Variants in P2RX3 observed in about 807,000 individuals in gnomAD.
P2RX3 encodes P2X purinoceptor 3.
A neutral mutation model predicts 51.5 loss-of-function variants in P2RX3; 41 were observed. The observed-to-expected ratio is 0.80, with a 90% CI of 0.62 to 1.03. P2RX3 has a LOEUF of 1.03. P2RX3 is among the 50% of genes least tolerant of loss of function. P2RX3 has a pLI of 0.00. For missense variants in P2RX3, 459 were observed against 522.1 expected, an observed-to-expected ratio of 0.88 and a Z score of 1.18; for synonymous variants, 185 against 191.6, an observed-to-expected ratio of 0.97 and a Z score of 0.29.
At position 57,368,019 on chromosome 11, in the gene P2RX3, T is replaced by C; in HGVS notation, c.853T>C (p.Tyr285His). Residue 285 changes from tyrosine to histidine, a missense_variant, in exon 9 of 12, where the codon TAC becomes CAC. Coordinates refer to ENST00000263314, the MANE Select transcript of P2RX3 (RefSeq NM_002559.5). Reference protein sequence around the residue: ...SPGYNFRFAKYYKMENGSEYR... With the variant: ...SPGYNFRFAKHYKMENGSEYR... ...GCCTCTGACCTCCAGGTTTGCCAAG[T>C]ACTACAAAATGGAAAATGGCAGTGA... 2 of 1,614,152 alleles carry C rather than the reference T, an allele frequency of 1.2e-6. No homozygotes were observed. Among genetic ancestry groups the C allele is most frequent in the Non-Finnish European group, 1.7e-6 (2 of 1,179,994 alleles).
rs185838339 is a variant in P2RX3 at position 57,368,160 on chromosome 11, C to T, written c.936+58C>T. On this transcript the variant is annotated intron_variant, in intron 9 of 11. Transcript: ENST00000263314. ...AGGGGAGGCAGCCCAGACCACCTCT[C>T]GGGTTCTGAAAAAGCTCCTCTGGGG... 2.3e-4 allele frequency: 360 copies of T among 1,554,780 alleles called. No individual in the cohort carries two copies. In the African/African-American group the frequency reaches 3.9e-3, roughly 17 times the overall value.
chr11:57,348,680 G>A lies in P2RX3; in HGVS notation c.539G>A (p.Arg180His), dbSNP rs537100149. The A allele has an allele frequency of 8.1e-6, 13 of 1,613,632 alleles. No individual in the cohort carries two copies. Among genetic ancestry groups the A allele is most frequent in the Admixed American group, 6.7e-5 (4 of 59,994 alleles). Reference sequence around the variant, plus strand: ...ACTATTTTCATCAAGAACAGCATCCGTTTCCCCCTCTTCAACTTTGAGAAG... The same window carrying A: ...ACTATTTTCATCAAGAACAGCATCCATTTCCCCCTCTTCAACTTTGAGAAG... Reference protein sequence around the residue: ...NFTIFIKNSIRFPLFNFEKGN... With the variant: ...NFTIFIKNSIHFPLFNFEKGN... The change falls in exon 6 of 12, where the codon CGT becomes CAT. Residue 180 changes from arginine (R) to histidine (H), a missense_variant. Physicochemically the swap from Arg to His is conservative, Grantham distance 29. Coordinates refer to ENST00000263314, the MANE Select transcript of P2RX3 (RefSeq NM_002559.5).
chr11:57,368,160 C>A, intron 9 of P2RX3, 58 bp downstream of exon 9: 1 of 1,554,776 alleles, frequency 6.4e-7, no homozygotes, highest in Non-Finnish European at 8.9e-7. Flanking sequence ...GACCACCTCT[C>A]GGGTTCTGAA....
intron 7 of P2RX3, 74 bp downstream of exon 7, chr11:57,349,972 G>A: frequency 5.7e-6 from 9 of 1,578,250 alleles, no homozygotes; most frequent in Non-Finnish European, 7.8e-6. Flanking sequence ...AGGGCCCTTT[G>A]GCCGGCACTG....
intron 2 of P2RX3, 61 bp downstream of exon 2, chr11:57,346,740 A>C: frequency 1.3e-6 from 2 of 1,588,934 alleles, no homozygotes; most frequent in South Asian, 2.3e-5. Flanking sequence ...GTTGGAAGGG[A>C]GAAAGCGAGC....
At chr11:57,336,066 C>A (rs933541892), upstream of P2RX3, among the ~76,000 whole-genome samples, 1 of 152,138 alleles carries the variant, frequency 6.6e-6, no homozygotes, top group African/African-American at 2.4e-5. Flanking sequence ...GACACTTCTT[C>A]AGTCGAGACT....
chr11:57,358,468 G>A (rs1322810678), intron 8 of P2RX3, among the ~76,000 whole-genome samples: 1 of 152,208 alleles, frequency 6.6e-6, no homozygotes, highest in South Asian at 2.1e-4. Context: ...ATATATATAT[G>A]TTATGCTGGG....
At chr11:57,339,625 C>T (rs1213965308) in intron 1 of P2RX3, among the ~76,000 whole-genome samples, 1 of 152,160 alleles carries the variant, frequency 6.6e-6, no homozygotes, top group South Asian at 2.1e-4. Context: ...TGGTGGGCAC[C>T]AGGAAATACA....
At position 57,369,278 on chromosome 11, in the gene P2RX3, G is replaced by A. The variant is rs948311245; in HGVS notation, c.1003-83G>A. 4.9e-6 allele frequency: 6 copies of A among 1,231,918 alleles called. No homozygotes were observed. In the African/African-American group the frequency reaches 7.6e-5, roughly 16 times the overall value. 76.3% of individuals were successfully genotyped at this position (1,231,918 alleles called of 1,614,324 possible). On this transcript the variant is annotated intron_variant, in intron 10 of 11. Coordinates refer to ENST00000263314, the MANE Select transcript of P2RX3 (RefSeq NM_002559.5). ...ACTGTTTAGGCAGCTTGGGGGTGCTGCCCGAGCCCAGCACTTCCTGCCACC... is the reference window on the plus strand; with the variant it reads ...ACTGTTTAGGCAGCTTGGGGGTGCTACCCGAGCCCAGCACTTCCTGCCACC...
intron 8 of P2RX3, 90 bp downstream of exon 8, chr11:57,350,988 C>A: frequency 1.9e-6 from 3 of 1,569,286 alleles, no homozygotes; most frequent in Non-Finnish European, 2.6e-6. Context: ...CACATCCATC[C>A]ACCCACCCCT....
At chr11:57,346,299 G>C (rs918332340) in intron 1 of P2RX3, among the ~76,000 whole-genome samples, 8 of 152,310 alleles carry the variant, frequency 5.3e-5, no homozygotes, top group African/African-American at 1.9e-4. Context: ...TTTCATGGAG[G>C]GGGGGACCAC....
Position 57,370,078 on chromosome 11 carries a change from G to T in P2RX3, c.*81G>T. ...CCTGCCTGAGCAAGGGGCATGGGAG[G>T]GAAGAGGGGCTCTCATTTCTGCTGC... is the stretch of plus-strand genomic sequence containing the variant. On this transcript the variant is annotated 3_prime_UTR_variant, in exon 12 of 12. Transcript: ENST00000263314. 1.0e-6 allele frequency: 1 copy of T among 965,516 alleles called. No homozygotes were observed. Among genetic ancestry groups the T allele is most frequent in the Non-Finnish European group, 1.6e-6 (1 of 622,230 alleles). The allele number at this position is 965,516 out of a possible 1,614,324, so 59.8% of individuals were successfully genotyped here. A position where few individuals can be genotyped will look rare whatever the true frequency, so the allele number is the denominator to read the frequency against.
chr11:57,359,489 G>A (rs1405555006), intron 8 of P2RX3, among the ~76,000 whole-genome samples: 3 of 152,186 alleles, frequency 2.0e-5, no homozygotes, highest in Admixed American at 6.5e-5. Context: ...CCTGTCAGAG[G>A]AGCCCCCGAC....
Position 57,340,182 on chromosome 11 carries a change from A to C in P2RX3, c.119+1513A>C, listed in dbSNP as rs11229002. Among the ~76,000 whole-genome samples the C allele has an allele frequency of 1.4e-3, 210 of 152,298 alleles. 3 individuals carry two copies. In the East Asian group the frequency reaches 0.037, roughly 27 times the overall value. Reference sequence around the variant, plus strand: ...ACAAGATGGTATGTTGGCCCAGGTGAGTGCAAAATCTGGCTCAGCACATTC... The same window carrying C: ...ACAAGATGGTATGTTGGCCCAGGTGCGTGCAAAATCTGGCTCAGCACATTC... On this transcript the variant is annotated intron_variant, in intron 1 of 11. Coordinates refer to ENST00000263314, the MANE Select transcript of P2RX3 (RefSeq NM_002559.5).
chr11:57,367,906 G>T lies in P2RX3; in HGVS notation c.843-103G>T. On this transcript the variant is annotated intron_variant, in intron 8 of 11. Transcript: ENST00000263314. The stretch of plus-strand genomic sequence containing the variant: ...GTTGTCTCAGCAAACCGTAAGTAAG[G>T]GTTGCTCAGTGAGCCAAGACACAGG... The T allele has an allele frequency of 3.8e-5, 32 of 848,416 alleles. No individual in the cohort carries two copies. The South Asian group carries it at 4.1e-4, about 11-fold the overall frequency. 52.6% of individuals were successfully genotyped at this position (848,416 alleles called of 1,614,324 possible). A position where few individuals can be genotyped will look rare whatever the true frequency, so the allele number is the denominator to read the frequency against.
At chr11:57,356,144 C>A (rs1014832730) in intron 8 of P2RX3, among the ~76,000 whole-genome samples, 1 of 152,212 alleles carries the variant, frequency 6.6e-6, no homozygotes, top group Admixed American at 6.5e-5. Context: ...CTTCCCCCAC[C>A]CCCAAGGTAG....
chr11:57,354,352 T>C (rs1412381285), intron 8 of P2RX3, among the ~76,000 whole-genome samples: 1 of 152,176 alleles, frequency 6.6e-6, no homozygotes, highest in African/African-American at 2.4e-5. Flanking sequence ...CGCTTTAACT[T>C]AGTATTTTTA....
chr11:57,346,654 T>C lies in P2RX3; in HGVS notation c.230T>C (p.Val77Ala). 6.2e-7 allele frequency: 1 copy of C among 1,614,152 alleles called. No individual in the cohort carries two copies. The highest frequency in any genetic ancestry group is 8.5e-7 in the Non-Finnish European group (1 of 1,180,028). Residue 77 changes from valine to alanine, a missense_variant, in exon 2 of 12, where the codon GTG (valine) becomes GCG (alanine). By Grantham distance (64) the Val-to-Ala change is moderately conservative (BLOSUM62 0). Transcript: ENST00000263314. ...CTCTACGCCAACAGAGTCATGGATGTGTCTGATTACGTGACGCCACCTCAG... is the reference window on the plus strand; with the variant it reads ...CTCTACGCCAACAGAGTCATGGATGCGTCTGATTACGTGACGCCACCTCAG... Reference protein sequence around the residue: ...SGLYANRVMDVSDYVTPPQGT... With the variant: ...SGLYANRVMDASDYVTPPQGT...
chr11:57,352,009 A>G (rs1209283613), intron 8 of P2RX3, among the ~76,000 whole-genome samples: 1 of 152,190 alleles, frequency 6.6e-6, no homozygotes, highest in Admixed American at 6.5e-5. Flanking sequence ...CTTAAATAGA[A>G]CAAATAGGGA....
Sources: allele counts gnomAD v4.1 joint callset (sites outside exome capture counted in the v4.1 genomes callset), GRCh38; gene constraint gnomAD v4.1.1; transcripts MANE v1.5; gene names NCBI Gene and HGNC (gene_info 2026-07-23, HGNC 2026-07-21).